Variants in BNC2 observed in about 807,000 individuals in gnomAD.
The protein encoded by BNC2 is zinc finger protein basonuclin-2.
Under a neutral mutation model 76.3 loss-of-function variants are expected in BNC2, and 20 were observed. The observed-to-expected ratio is 0.26, with a 90% CI of 0.18 to 0.38. The LOEUF is 0.38. Ranked by LOEUF, BNC2 falls within the 10% of genes least tolerant of loss-of-function variation. The probability of loss-of-function intolerance (pLI) is 1.00; values close to 1 mark genes in which losing one functional copy is unlikely to be tolerated. For missense variants in BNC2, 1,382 were observed against 1,399.8 expected (o/e 0.99, Z 0.20); for synonymous variants, 582 against 514.8 (o/e 1.13, Z -1.77).
At chr9:16,568,284 G>A (rs1819222809) in intron 4 of BNC2, among the ~76,000 whole-genome samples, 2 of 152,054 alleles carry the variant, frequency 1.3e-5, no homozygotes, top group African/African-American at 4.8e-5. Context: ...TCTAAAAGTT[G>A]TTAGCGATGA....
intron 5 of BNC2, among the ~76,000 whole-genome samples, chr9:16,550,957 TG>T (rs1413977651): frequency 6.6e-6 from 1 of 152,156 alleles, no homozygotes; most frequent in Admixed American, 6.5e-5. Context: ...GTATGCATCT[TG>T]GGGCCAGTAT....
chr9:16,450,803 C>G (rs972607736), intron 5 of BNC2, among the ~76,000 whole-genome samples: 1 of 152,180 alleles, frequency 6.6e-6, no homozygotes, highest in Non-Finnish European at 1.5e-5. Flanking sequence ...CACAACCCCT[C>G]GGGTTCTGAT....
intron 3 of BNC2, chr9:16,699,053 AAGC>A (rs1365782357): frequency 5.4e-6 from 2 of 373,760 alleles, no homozygotes; most frequent in African/African-American, 4.3e-5. Flanking sequence ...GTTTTCCAGA[AAGC>A]TAAGATGGTA....
chr9:16,624,259 T>C (rs538633212), intron 3 of BNC2, among the ~76,000 whole-genome samples: 1 of 152,284 alleles, frequency 6.6e-6, no homozygotes, highest in South Asian at 2.1e-4. Flanking sequence ...ACCACAGGGC[T>C]ATGAAAACCG....
At chr9:16,531,164 C>T (rs1260235497) in intron 5 of BNC2, among the ~76,000 whole-genome samples, 1 of 152,162 alleles carries the variant, frequency 6.6e-6, no homozygotes. Context: ...GTGTTAAACA[C>T]TTGCAAGGAA....
chr9:16,544,518 T>C (rs190840960), intron 5 of BNC2, among the ~76,000 whole-genome samples: 22 of 152,206 alleles, frequency 1.4e-4, no homozygotes, highest in African/African-American at 4.3e-4. Context: ...GTGTCATATA[T>C]AGAATAAACC....
intron 1 of BNC2, among the ~76,000 whole-genome samples, chr9:16,784,061 G>GA (rs1217265077): frequency 2.6e-5 from 4 of 151,954 alleles, no homozygotes; most frequent in South Asian, 2.1e-4. Flanking sequence ...CTTAAAACAA[G>GA]AAAAAAAATT....
At chr9:16,650,799 T>C (rs965275869) in intron 3 of BNC2, among the ~76,000 whole-genome samples, 2 of 152,198 alleles carry the variant, frequency 1.3e-5, no homozygotes, top group Non-Finnish European at 2.9e-5. Context: ...CACAAAGCTA[T>C]GCCTTTTCCA....
At chr9:16,751,986 G>A (rs767361768) in intron 1 of BNC2, among the ~76,000 whole-genome samples, 107 of 151,980 alleles carry the variant, frequency 7.0e-4, no homozygotes, top group Non-Finnish European at 2.4e-4. Context: ...CCCAGATCAC[G>A]CCACTGCACT....
chr9:16,481,748 A>G (rs759700752), intron 5 of BNC2, among the ~76,000 whole-genome samples: 1 of 152,230 alleles, frequency 6.6e-6, no homozygotes, highest in African/African-American at 2.4e-5. Flanking sequence ...TTACATGTAC[A>G]AGGTACAGTG....
intron 1 of BNC2, among the ~76,000 whole-genome samples, chr9:16,825,913 G>T (rs1174413208): frequency 6.6e-6 from 1 of 152,080 alleles, no homozygotes; most frequent in South Asian, 2.1e-4. Context: ...TGGACAGAGA[G>T]AAGGGACACT....
intron 1 of BNC2, among the ~76,000 whole-genome samples, chr9:16,741,031 C>G (rs966631803): frequency 2.0e-5 from 3 of 152,114 alleles, no homozygotes; most frequent in African/African-American, 7.2e-5. Context: ...AATTCAGGGT[C>G]TAACAGGGTG....
intron 3 of BNC2, among the ~76,000 whole-genome samples, chr9:16,675,695 G>A (rs562413668): frequency 2.0e-5 from 3 of 152,278 alleles, no homozygotes; most frequent in East Asian, 3.9e-4. Context: ...TACTAACTAC[G>A]TGATTTTGGT....
chr9:16,848,807 C>T (rs1269830443), intron 1 of BNC2, among the ~76,000 whole-genome samples: 1 of 152,108 alleles, frequency 6.6e-6, no homozygotes, highest in Admixed American at 6.5e-5. Flanking sequence ...TTTTTGAGTA[C>T]CAACATGTCC....
chr9:16,604,127 A>G (rs924619913), intron 3 of BNC2, among the ~76,000 whole-genome samples: 4 of 152,312 alleles, frequency 2.6e-5, no homozygotes, highest in African/African-American at 9.6e-5. Flanking sequence ...ATTAGTTCAC[A>G]ATTTTAAAAC....
At chr9:16,462,611 C>T (rs146232190) in intron 5 of BNC2, among the ~76,000 whole-genome samples, 250 of 152,288 alleles carry the variant, frequency 1.6e-3, no homozygotes, top group African/African-American at 5.8e-3. Context: ...ACACGAAGGG[C>T]TTTACTTGTA....
chr9:16,462,766 T>A (rs1417554545), intron 5 of BNC2, among the ~76,000 whole-genome samples: 1 of 152,176 alleles, frequency 6.6e-6, no homozygotes, highest in Non-Finnish European at 1.5e-5. Flanking sequence ...GGTCTTCACA[T>A]TGTCCTCCTT....
Position 16,641,850 on chromosome 9 carries a change from C to T in BNC2, c.331-58765G>A, listed in dbSNP as rs139900380. Among the ~76,000 whole-genome samples the T allele has an allele frequency of 1.2e-4, 19 of 152,276 alleles. No homozygotes were observed. The East Asian group carries it at 3.7e-3, about 29-fold the overall frequency. On this transcript the variant is annotated intron_variant, in intron 3 of 6. Coordinates refer to ENST00000380672, the MANE Select transcript of BNC2 (RefSeq NM_017637.6). ...AGCCATCATTCCCACATGAGAATTCCCTTTTTTTGGAAGATGCCAAGAAAT... is the reference window on the plus strand; with the variant it reads ...AGCCATCATTCCCACATGAGAATTCTCTTTTTTTGGAAGATGCCAAGAAAT...
At chr9:16,527,739 T>G (rs1304671488) in intron 5 of BNC2, among the ~76,000 whole-genome samples, 1 of 152,198 alleles carries the variant, frequency 6.6e-6, no homozygotes, top group African/African-American at 2.4e-5. Context: ...CTGTACCTAC[T>G]GCTAAGCATT....
Sources: gnomAD v4.1 joint callset for allele counts (sites outside exome capture counted in the v4.1 genomes callset) on GRCh38, gnomAD v4.1.1 for gene constraint, MANE v1.5 for transcripts, NCBI Gene and HGNC (gene_info 2026-07-23, HGNC 2026-07-21) for gene names.